USH2A: variants seen among roughly 807,000 people sequenced by gnomAD.
USH2A encodes Usher syndrome 2A (autosomal recessive, mild).
In USH2A, 443 loss-of-function variants were observed where a neutral mutation model predicts 538.9. The ratio of observed to expected loss-of-function variants is 0.82; its 90% confidence interval spans 0.76 to 0.89. USH2A has a LOEUF of 0.89. Among genes scored for constraint, USH2A ranks in the 40% least tolerant of loss-of-function variants. The pLI, the probability that USH2A is intolerant of heterozygous loss-of-function variation, is 0.00. For missense variants in USH2A, 6,633 were observed against 6,324.8 expected, an observed-to-expected ratio of 1.05 and a Z score of -1.65; for synonymous variants, 2,413 against 2,273.5, an observed-to-expected ratio of 1.06 and a Z score of -1.75.
intron 38 of USH2A, among the ~76,000 whole-genome samples, chr1:215,910,753 C>T (rs1263575161): frequency 6.6e-6 from 1 of 151,846 alleles, no homozygotes; most frequent in African/African-American, 2.4e-5. Flanking sequence ...TCCCAAAAAA[C>T]TATGAACATT....
rs201281141 is a variant in USH2A at position 215,965,437 on chromosome 1, T to C, written c.7000A>G (p.Asn2334Asp). ...TLEAPPEGTV[N>D]VFVKTQGSRK... is the part of the protein sequence containing the mutation. ...GATCCCTGTGTTTTGACAAACACAT[T>C]TACTGTTCCTTCAGGAGGAGCTTCT... The change falls in exon 37 of 72, where the codon AAT becomes GAT. Residue 2334 changes from asparagine to aspartate, a missense_variant. By Grantham distance (23) the Asn-to-Asp change is conservative (BLOSUM62 1). Coordinates refer to ENST00000307340, the MANE Select transcript of USH2A (RefSeq NM_206933.4). 3.0e-5 allele frequency: 49 copies of C among 1,613,774 alleles called. No homozygotes were observed. In the East Asian group the frequency reaches 1.1e-3, roughly 35 times the overall value.
intron 21 of USH2A, among the ~76,000 whole-genome samples, chr1:216,124,419 GA>G (rs978062419): frequency 6.7e-5 from 10 of 148,316 alleles, no homozygotes; most frequent in Admixed American, 6.7e-5. Context: ...AACTTTAAAG[GA>G]AAAAAAAAGC....
rs1270588989 is a variant in USH2A at position 216,273,950 on chromosome 1, G to A, written c.1971+15330C>T. Among the ~76,000 whole-genome samples, 4 of 152,060 alleles carry A rather than the reference G, an allele frequency of 2.6e-5. No individual in the cohort carries two copies. In the South Asian group the frequency reaches 6.2e-4, roughly 24 times the overall value. ...AGTCAGCAACTGTTCAGTGTATTCC[G>A]AAGTTGAGTCTTTTGATTTCCCACA... On this transcript the variant is annotated intron_variant, in intron 11 of 71. Transcript: ENST00000307340.
chr1:215,675,397 C>T lies in USH2A; in HGVS notation c.12514G>A (p.Glu4172Lys), dbSNP rs778463103. Residue 4172 changes from glutamate to lysine, a missense_variant, in exon 63 of 72, where the codon GAG becomes AAG. Coordinates refer to ENST00000307340, the MANE Select transcript of USH2A (RefSeq NM_206933.4). ...TTAACAGGCTCAGACCAGCTCAGCTCAACACTGGTGGACTTCACAGAGTGG... is the reference window on the plus strand; with the variant it reads ...TTAACAGGCTCAGACCAGCTCAGCTTAACACTGGTGGACTTCACAGAGTGG... ...TVHSVKSTSVELSWSEPVNPN... is the reference protein window; with the variant it reads ...TVHSVKSTSVKLSWSEPVNPN... 2 of 1,614,006 alleles carry T rather than the reference C, an allele frequency of 1.2e-6. No homozygotes were observed. The highest frequency in any genetic ancestry group is 2.7e-5 in the African/African-American group (2 of 74,912).
Position 216,421,991 on chromosome 1 carries a change from G to T in USH2A, c.346C>A (p.Leu116Met). 6.2e-7 allele frequency: 1 copy of T among 1,613,950 alleles called. No individual in the cohort carries two copies. The highest frequency in any genetic ancestry group is 8.5e-7 in the Non-Finnish European group (1 of 1,179,920). Residue 116 changes from leucine (L) to methionine (M), a missense_variant, in exon 2 of 72, where the codon CTG (leucine) becomes ATG (methionine). Transcript: ENST00000307340. ...GAATTGCTATGGGCGTTAGGATGCA[G>T]ATCATTCTTGTCTGGTGTGATGCAG... ...SSCITPDKND[L>M]HPNAHSNSAS... is the part of the protein sequence containing the mutation.
chr1:215,848,533 TTTC>T (rs1295634971), intron 44 of USH2A, among the ~76,000 whole-genome samples: 1 of 152,198 alleles, frequency 6.6e-6, no homozygotes, highest in Non-Finnish European at 1.5e-5. Context: ...TTAAATGTCC[TTTC>T]TTAGCCATGC....
At chr1:215,733,612 T>C (rs1660070091) in intron 60 of USH2A, among the ~76,000 whole-genome samples, 1 of 152,214 alleles carries the variant, frequency 6.6e-6, no homozygotes, top group African/African-American at 2.4e-5. Flanking sequence ...CAAAACAAGT[T>C]ATTTACTTCC....
chr1:215,643,358 T>C (rs2102638571), intron 67 of USH2A, among the ~76,000 whole-genome samples: 1 of 152,028 alleles, frequency 6.6e-6, no homozygotes, highest in African/African-American at 2.4e-5. Context: ...GTATTTATAA[T>C]GAGTTAAAAG....
At chr1:215,888,398 A>C (rs1359333571) in intron 41 of USH2A, 28 bp downstream of exon 41, 1 of 1,611,626 alleles carries the variant, frequency 6.2e-7, no homozygotes. Context: ...CTAAGTCTGC[A>C]AAGGAGAGAG....
chr1:215,805,641 T>G (rs925440573), intron 49 of USH2A, among the ~76,000 whole-genome samples: 1 of 151,938 alleles, frequency 6.6e-6, no homozygotes, highest in African/African-American at 2.4e-5. Flanking sequence ...AAAAAATAAA[T>G]CCATGCCTGG....
At chr1:215,788,257 C>T (rs1661860468) in intron 51 of USH2A, among the ~76,000 whole-genome samples, 1 of 152,120 alleles carries the variant, frequency 6.6e-6, no homozygotes, top group Non-Finnish European at 1.5e-5. Flanking sequence ...TTTCCCTTTT[C>T]TCTCTGGGAA....
intron 64 of USH2A, among the ~76,000 whole-genome samples, chr1:215,653,307 A>C (rs559036261): frequency 6.6e-6 from 1 of 152,320 alleles, no homozygotes; most frequent in Middle Eastern, 3.4e-3. Flanking sequence ...ATTCTCTTTG[A>C]AAACCAGGCA....
intron 36 of USH2A, 77 bp downstream of exon 36, chr1:215,970,548 C>T (rs1002007978): frequency 2.6e-5 from 41 of 1,591,802 alleles, no homozygotes; most frequent in East Asian, 9.0e-5. Flanking sequence ...GGTGAGTCAC[C>T]GCCACTTACT....
At chr1:215,658,222 C>G (rs990269515) in intron 64 of USH2A, among the ~76,000 whole-genome samples, 2 of 151,856 alleles carry the variant, frequency 1.3e-5, no homozygotes, top group Non-Finnish European at 2.9e-5. Context: ...AACAATAAAA[C>G]TAAATAATCA....
At chr1:216,215,070 A>G (rs2035317520) in intron 15 of USH2A, among the ~76,000 whole-genome samples, 2 of 152,128 alleles carry the variant, frequency 1.3e-5, no homozygotes, top group South Asian at 4.1e-4. Context: ...ATTTACTATA[A>G]GAAAAGGTCT....
intron 11 of USH2A, among the ~76,000 whole-genome samples, chr1:216,288,325 C>A (rs2036928953): frequency 6.6e-6 from 1 of 152,000 alleles, no homozygotes; most frequent in Non-Finnish European, 1.5e-5. Context: ...TACTCTTCAG[C>A]TTTCTAATGA....
At chr1:215,987,076 T>C (rs1344698883) in intron 35 of USH2A, among the ~76,000 whole-genome samples, 2 of 152,222 alleles carry the variant, frequency 1.3e-5, no homozygotes, top group East Asian at 1.9e-4. Context: ...TTCTAATTAG[T>C]TTAAAATGTC....
At chr1:216,006,067 A>G (rs1668383778) in intron 32 of USH2A, among the ~76,000 whole-genome samples, 1 of 152,158 alleles carries the variant, frequency 6.6e-6, no homozygotes, top group South Asian at 2.1e-4. Context: ...CTTTTCAATC[A>G]TAATCCCTTT....
At chr1:216,174,461 G>C in intron 21 of USH2A, 1 of 985,410 alleles carries the variant, frequency 1.0e-6, no homozygotes, top group Non-Finnish European at 1.2e-6. Flanking sequence ...GCCAGGAGGA[G>C]GGTAAGGCCA....
Sources: allele counts gnomAD v4.1 joint callset (sites outside exome capture counted in the v4.1 genomes callset), GRCh38; gene constraint gnomAD v4.1.1; transcripts MANE v1.5; gene names NCBI Gene and HGNC (gene_info 2026-07-23, HGNC 2026-07-21).